DIAPH2: variants seen among roughly 807,000 people sequenced by gnomAD.
DIAPH2 encodes protein diaphanous homolog 2.
In DIAPH2, 35 loss-of-function variants were observed where a neutral mutation model predicts 92.7. The ratio of observed to expected loss-of-function variants is 0.38; its 90% CI spans 0.29 to 0.50. The LOEUF is 0.50. Among genes scored for constraint, DIAPH2 ranks in the 20% least tolerant of loss-of-function variants. The pLI is 0.94. For synonymous variants in DIAPH2, 301 were observed against 280.4 expected (o/e 1.07, Z -0.73); for missense variants, 701 against 819.5 (o/e 0.86, Z 1.77).
At chrX:97,372,595 T>C (rs2069458443) in intron 24 of DIAPH2, among the ~76,000 whole-genome samples, 1 of 112,001 alleles carries the variant, frequency 8.9e-6, no homozygotes, top group South Asian at 3.7e-4. Context: ...GAGTCACTTA[T>C]ACAACTAAAC....
chrX:97,589,583 C>T (rs912701182), intron 26 of DIAPH2, among the ~76,000 whole-genome samples: 9 of 110,833 alleles, frequency 8.1e-5, no homozygotes, highest in African/African-American at 2.6e-4. Context: ...TGTCTAATCC[C>T]ATGATGGACA....
chrX:97,110,471 AT>A (rs761012939), intron 20 of DIAPH2, among the ~76,000 whole-genome samples: 3 of 111,831 alleles, frequency 2.7e-5, no homozygotes, highest in Non-Finnish European at 3.8e-5. Flanking sequence ...CAAGGAGAAC[AT>A]TTAGTCTATG....
chrX:97,398,979 A>G (rs1285723825), intron 25 of DIAPH2, among the ~76,000 whole-genome samples: 1 of 110,686 alleles, frequency 9.0e-6, no homozygotes, highest in Non-Finnish European at 1.9e-5. Flanking sequence ...ACTGCTGACC[A>G]CATGATCCAC....
chrX:96,935,008 TG>T (rs2065648029), intron 10 of DIAPH2, among the ~76,000 whole-genome samples: 1 of 111,638 alleles, frequency 9.0e-6, no homozygotes, highest in East Asian at 2.8e-4. Context: ...CAATGGACTT[TG>T]ATTTCCTTTG....
rs1254747934 is a variant in DIAPH2, at chrX:97,203,937, A to G, written c.2720-43778A>G. 1.2e-4 allele frequency among the ~76,000 whole-genome samples: 14 copies of G among 112,192 alleles called. No individual in the cohort carries two copies. In the Admixed American group the frequency reaches 1.3e-3, roughly 11 times the overall value. On this transcript the variant is annotated intron_variant, in intron 22 of 26. Transcript: ENST00000324765. ...AGAAATCCTCAATAACATATTGGTAAACTGAATCCAGCAGCACATGAAAAA... is the reference window on the plus strand; with the variant it reads ...AGAAATCCTCAATAACATATTGGTAGACTGAATCCAGCAGCACATGAAAAA...
intron 23 of DIAPH2, among the ~76,000 whole-genome samples, chrX:97,334,438 G>T (rs1468554289): frequency 1.1e-5 from 1 of 92,450 alleles, no homozygotes; most frequent in East Asian, 3.5e-4. Flanking sequence ...ACTCCAGTCT[G>T]GGCGACAGAG....
At chrX:96,859,252 G>A (rs1430214014) in intron 4 of DIAPH2, among the ~76,000 whole-genome samples, 1 of 110,326 alleles carries the variant, frequency 9.1e-6, no homozygotes, top group Non-Finnish European at 1.9e-5. Flanking sequence ...TAAATCTACA[G>A]CACTTTGAGA....
At chrX:97,589,335 AAAAG>A (rs1160530068) in intron 26 of DIAPH2, among the ~76,000 whole-genome samples, 2 of 104,427 alleles carry the variant, frequency 1.9e-5, no homozygotes, top group African/African-American at 6.8e-5. Context: ...AAAAAAAAAA[AAAAG>A]AGTCATCCCA....
At chrX:97,058,809 A>G (rs2066576248) in intron 17 of DIAPH2, among the ~76,000 whole-genome samples, 1 of 111,473 alleles carries the variant, frequency 9.0e-6, no homozygotes, top group African/African-American at 3.3e-5. Flanking sequence ...ACATACCATG[A>G]GAGGAGGGAT....
intron 22 of DIAPH2, among the ~76,000 whole-genome samples, chrX:97,163,976 TA>T (rs1259043200): frequency 1.5e-4 from 17 of 112,469 alleles, no homozygotes; most frequent in African/African-American, 5.5e-4. Flanking sequence ...AATAACAATG[TA>T]AATTTACCAG....
rs146222310 is a variant in DIAPH2 at position 97,574,907 on chromosome X, A to T, written c.3242-24346A>T. On this transcript the variant is annotated intron_variant, in intron 26 of 26. Coordinates refer to ENST00000324765, the MANE Select transcript of DIAPH2 (RefSeq NM_006729.5). ...TAGAGACAGGAGAAATTCAATAGGG[A>T]TCTATTATAAGAGCCTAAGCAACAG... is the stretch of plus-strand genomic sequence containing the variant. Among the ~76,000 whole-genome samples the T allele has an allele frequency of 5.3e-3, 597 of 111,742 alleles. 5 individuals are homozygous for T. The highest frequency in any genetic ancestry group is 0.019 in the African/African-American group (575 of 30,761).
At chrX:97,449,966 CT>C (rs749651729) in intron 26 of DIAPH2, among the ~76,000 whole-genome samples, 1,565 of 97,187 alleles carry the variant, frequency 0.016, 23 homozygotes, top group African/African-American at 0.05. Context: ...AAGCAGCTGC[CT>C]TTTTTTTTTT....
chrX:96,780,291 T>A (rs964821750), intron 4 of DIAPH2, among the ~76,000 whole-genome samples: 3 of 111,403 alleles, frequency 2.7e-5, no homozygotes, highest in Admixed American at 1.9e-4. Flanking sequence ...TACTTTAATA[T>A]GCTTGAAAAA....
intron 4 of DIAPH2, among the ~76,000 whole-genome samples, chrX:96,789,911 G>A (rs1219027340): frequency 9.1e-6 from 1 of 110,405 alleles, no homozygotes; most frequent in African/African-American, 3.3e-5. Context: ...TTCAGATCGT[G>A]CAATTTTCTT....
chrX:96,914,091 G>A (rs1408587020), intron 7 of DIAPH2, among the ~76,000 whole-genome samples: 1 of 110,636 alleles, frequency 9.0e-6, no homozygotes, highest in African/African-American at 3.3e-5. Flanking sequence ...TCTATAGACA[G>A]TCTCAAGCAT....
chrX:97,193,040 T>C (rs1326869295), intron 22 of DIAPH2, among the ~76,000 whole-genome samples: 14 of 96,185 alleles, frequency 1.5e-4, no homozygotes, highest in African/African-American at 5.5e-4. Context: ...TGAGACAGGG[T>C]CTCTCTCTGT....
chrX:97,094,601 G>C (rs1408052690), intron 19 of DIAPH2, among the ~76,000 whole-genome samples: 2 of 112,252 alleles, frequency 1.8e-5, no homozygotes, highest in African/African-American at 3.2e-5. Context: ...GGAGTCAAAT[G>C]CAAGAGTTTT....
At chrX:97,359,003 C>T (rs1020402516) in intron 24 of DIAPH2, among the ~76,000 whole-genome samples, 21 of 111,783 alleles carry the variant, frequency 1.9e-4, no homozygotes, top group African/African-American at 5.2e-4. Flanking sequence ...TGTATAGTGC[C>T]GTTGGTTATG....
intron 22 of DIAPH2, among the ~76,000 whole-genome samples, chrX:97,185,331 A>ATATATATGTATATATATATG (rs2067574960): frequency 2.2e-5 from 1 of 44,802 alleles, no homozygotes; most frequent in South Asian, 1.3e-3. Flanking sequence ...ATATGTGTAT[A>ATATATATGTATATATATATG]TATATATATG....
Sources: gnomAD v4.1 joint callset for allele counts (sites outside exome capture counted in the v4.1 genomes callset) on GRCh38, gnomAD v4.1.1 for gene constraint, MANE v1.5 for transcripts, NCBI Gene and HGNC (gene_info 2026-07-23, HGNC 2026-07-21) for gene names.